PXYLP1: variants seen among roughly 807,000 people sequenced by gnomAD.
PXYLP1 encodes the protein 2-phosphoxylose phosphatase 1, also known as acid phosphatase-like 2.
A neutral mutation model predicts 37.9 loss-of-function variants in PXYLP1; 17 were observed. The ratio of observed to expected loss-of-function variants is 0.45; its 90% CI spans 0.31 to 0.67. The LOEUF (loss-of-function observed/expected upper bound fraction) is 0.67. Ranked by LOEUF, PXYLP1 falls within the 30% of genes least tolerant of loss-of-function variation. PXYLP1 has a pLI of 0.07. For synonymous variants in PXYLP1, 221 were observed against 232.2 expected (o/e 0.95, Z 0.44); for missense variants, 511 against 612.0 (o/e 0.84, Z 1.74).
At chr3:141,290,573 T>C (rs1269730934) in intron 5 of PXYLP1, among the ~76,000 whole-genome samples, 1 of 152,082 alleles carries the variant, frequency 6.6e-6, no homozygotes, top group Non-Finnish European at 1.5e-5. Context: ...CCTGGGAGGA[T>C]TTCCCTAGGG....
At chr3:141,246,965 G>A (rs527812802) in intron 1 of PXYLP1, among the ~76,000 whole-genome samples, 1 of 152,196 alleles carries the variant, frequency 6.6e-6, no homozygotes, top group Admixed American at 6.5e-5. Context: ...CAGCTCACCA[G>A]AGTCCTCCCA....
intron 2 of PXYLP1, among the ~76,000 whole-genome samples, chr3:141,268,926 T>A (rs1333599114): frequency 6.6e-6 from 1 of 152,216 alleles, no homozygotes; most frequent in Admixed American, 6.5e-5. Context: ...CTCTTTGCCT[T>A]TCTCTTTTCC....
intron 1 of PXYLP1, among the ~76,000 whole-genome samples, chr3:141,252,144 CTG>C (rs984528219): frequency 6.6e-6 from 1 of 152,056 alleles, no homozygotes; most frequent in African/African-American, 2.4e-5. Context: ...GTGGGTATGA[CTG>C]GGAAATGAGG....
chr3:141,246,579 A>G (rs1453606224), intron 1 of PXYLP1, among the ~76,000 whole-genome samples: 1 of 152,102 alleles, frequency 6.6e-6, no homozygotes, highest in African/African-American at 2.4e-5. Flanking sequence ...AGGTTGGGGG[A>G]TTGCTACTGG....
chr3:141,254,907 A>G lies in PXYLP1; in HGVS notation c.-53-5216A>G, dbSNP rs562090586. Among the ~76,000 whole-genome samples, 4 of 152,316 alleles carry G rather than the reference A, an allele frequency of 2.6e-5. No homozygotes were observed. In the East Asian group the frequency reaches 7.7e-4, roughly 29 times the overall value. On this transcript the variant is annotated intron_variant, in intron 1 of 5. Coordinates refer to ENST00000286353, the MANE Select transcript of PXYLP1 (RefSeq NM_001037172.3). Reference sequence around the variant, plus strand: ...GTTGTGGTCATGTTTAAAACCCTAAATTCTGTACACTTTGAAGGACAGCCT... The same window carrying G: ...GTTGTGGTCATGTTTAAAACCCTAAGTTCTGTACACTTTGAAGGACAGCCT...
At chr3:141,240,700 G>C (rs1940775950) in intron 1 of PXYLP1, among the ~76,000 whole-genome samples, 1 of 152,304 alleles carries the variant, frequency 6.6e-6, no homozygotes, top group Middle Eastern at 3.4e-3. Context: ...GAAAGAATGA[G>C]TGGATATTGA....
chr3:141,268,595 T>G (rs1941589097), intron 2 of PXYLP1, among the ~76,000 whole-genome samples: 2 of 152,320 alleles, frequency 1.3e-5, no homozygotes, highest in Middle Eastern at 6.8e-3. Context: ...AGCCCTGTTA[T>G]GTACCAGCAG....
chr3:141,275,023 T>C (rs1295882867), intron 2 of PXYLP1, among the ~76,000 whole-genome samples: 2 of 152,312 alleles, frequency 1.3e-5, no homozygotes, highest in East Asian at 3.9e-4. Context: ...AGACTTCTCC[T>C]CACAGCTTCT....
At position 141,292,791 on chromosome 3, in the gene PXYLP1, G is replaced by T. The variant is rs1942257435; in HGVS notation, c.1029G>T (p.Gly343=). The change falls in exon 6 of 6, where the codon GGG becomes GGT. Residue 343 remains glycine, a synonymous_variant. Coordinates refer to ENST00000286353, the MANE Select transcript of PXYLP1 (RefSeq NM_001037172.3). The surrounding 1 kb of genome is among the most constrained non-coding windows in gnomAD (Gnocchi z 4.3). ...RERREKKLYF[G]YSLLGAHPIL... ...GACGGGAGAAGAAATTGTACTTCGG[G>T]TATTCTCTCCTGGGTGCCCACCCCA... 1 of 1,613,344 alleles carries T rather than the reference G, an allele frequency of 6.2e-7. No individual in the cohort carries two copies. Among genetic ancestry groups the T allele is most frequent in the African/African-American group, 1.3e-5 (1 of 74,904 alleles).
chr3:141,259,748 G>A (rs941836383), intron 1 of PXYLP1, among the ~76,000 whole-genome samples: 1 of 152,206 alleles, frequency 6.6e-6, no homozygotes, highest in Non-Finnish European at 1.5e-5. Flanking sequence ...AAAGGTTAAA[G>A]GTCACAGCAA....
intron 2 of PXYLP1, chr3:141,273,931 G>A (rs952048088): frequency 3.0e-6 from 3 of 985,364 alleles, no homozygotes; most frequent in African/African-American, 3.5e-5. Flanking sequence ...AGATTCATGG[G>A]TTTTCCCACC....
intron 1 of PXYLP1, among the ~76,000 whole-genome samples, chr3:141,233,463 C>CAAAA (rs5853024): frequency 3.8e-5 from 3 of 79,390 alleles, no homozygotes; most frequent in Admixed American, 1.4e-4. Flanking sequence ...AAAACCCTGT[C>CAAAA]AAAAAAAAAA....
intron 2 of PXYLP1, among the ~76,000 whole-genome samples, chr3:141,269,851 G>T (rs555081758): frequency 9.8e-5 from 15 of 152,326 alleles, no homozygotes; most frequent in African/African-American, 3.6e-4. Flanking sequence ...TAATCCAATG[G>T]CCCTGTTAGG....
intron 1 of PXYLP1, among the ~76,000 whole-genome samples, chr3:141,249,006 C>T (rs1270369844): frequency 2.0e-5 from 3 of 151,984 alleles, no homozygotes; most frequent in African/African-American, 7.3e-5. Context: ...CACATCAGCC[C>T]CTCTGTAGCA....
intron 3 of PXYLP1, 80 bp from the exon 4 acceptor site, chr3:141,279,297 GC>G: frequency 6.4e-7 from 1 of 1,554,960 alleles, no homozygotes; most frequent in South Asian, 1.2e-5. Flanking sequence ...CCCAAATGTG[GC>G]CAGGTCATCC....
In PXYLP1 at chr3:141,285,144, C is replaced by CTTTTTT. The variant is rs147495598; in HGVS notation, c.366-2155_366-2150dup. Reference sequence around the variant, plus strand: ...AAATGTTTTTTTTCTTTTTCTTTTTCTTTTTTTTTTTTTTTTTTTTGAGAC... The same window carrying CTTTTTT: ...AAATGTTTTTTTTCTTTTTCTTTTTCTTTTTTTTTTTTTTTTTTTTTTTTTTGAGAC... On this transcript the variant is annotated intron_variant, in intron 4 of 5. Transcript: ENST00000286353. 3.6e-3 allele frequency among the ~76,000 whole-genome samples: 284 copies of CTTTTTT among 78,724 alleles called. 3 individuals are homozygous for CTTTTTT. Among genetic ancestry groups the CTTTTTT allele is most frequent in the East Asian group, 5.6e-3 (16 of 2,868 alleles). 51.6% of individuals were successfully genotyped at this position (78,724 alleles called of 152,430 possible).
chr3:141,237,817 C>G (rs1940697169), intron 1 of PXYLP1, among the ~76,000 whole-genome samples: 2 of 152,160 alleles, frequency 1.3e-5, no homozygotes, highest in Admixed American at 6.5e-5. Flanking sequence ...TCACTTACAG[C>G]CATGAGAGGC....
chr3:141,237,730 A>C (rs540780741), intron 1 of PXYLP1, among the ~76,000 whole-genome samples: 1 of 152,328 alleles, frequency 6.6e-6, no homozygotes, highest in East Asian at 1.9e-4. Flanking sequence ...CTCTGTCCTC[A>C]TGGAACAGAG....
chr3:141,281,335 G>A (rs889572749), intron 4 of PXYLP1, among the ~76,000 whole-genome samples: 2 of 152,190 alleles, frequency 1.3e-5, no homozygotes, highest in South Asian at 2.1e-4. Context: ...CTGGGCAGGT[G>A]TGAGCCACAA....
Sources: allele counts gnomAD v4.1 joint callset (sites outside exome capture counted in the v4.1 genomes callset), GRCh38; gene constraint gnomAD v4.1.1; non-coding constraint Gnocchi (gnomAD v3.1); transcripts MANE v1.5; gene names NCBI Gene and HGNC (gene_info 2026-07-23, HGNC 2026-07-21).